Variants in CREB3L2 observed in about 807,000 individuals in gnomAD.
CREB3L2 encodes cAMP responsive element binding protein 3 like 2, also known as cyclic AMP-responsive element-binding protein 3-like protein 2.
CREB3L2 carries 23 observed loss-of-function variants against 57.2 expected under a neutral mutation model. The observed-to-expected ratio is 0.40, with a 90% CI of 0.29 to 0.57. The LOEUF (loss-of-function observed/expected upper bound fraction) is 0.57. Ranked by LOEUF, CREB3L2 falls within the 20% of genes least tolerant of loss-of-function variation. CREB3L2 has a pLI of 0.42. For synonymous variants in CREB3L2, 268 were observed against 265.1 expected, an observed-to-expected ratio of 1.01 and a Z score of -0.11; for missense variants, 628 against 634.7, an observed-to-expected ratio of 0.99 and a Z score of 0.11.
At chr7:137,895,819 T>C (rs273938) in intron 8 of CREB3L2, among the ~76,000 whole-genome samples, 107,573 of 152,020 alleles carry the variant, frequency 0.71, 38,175 homozygotes, top group Admixed American at 0.76. Flanking sequence ...TTCCCTGCCA[T>C]GCCATGCATA....
At chr7:137,893,208 C>G (rs952355416) in intron 8 of CREB3L2, among the ~76,000 whole-genome samples, 13 of 152,196 alleles carry the variant, frequency 8.5e-5, no homozygotes, top group African/African-American at 3.1e-4. Flanking sequence ...GGAACAAACA[C>G]TGGCCAAGGA....
At chr7:137,938,738 TACTAA>T (rs1195833767) in intron 1 of CREB3L2, among the ~76,000 whole-genome samples, 1 of 152,210 alleles carries the variant, frequency 6.6e-6, no homozygotes, top group Non-Finnish European at 1.5e-5. Flanking sequence ...TCATGCACCA[TACTAA>T]TTCCTTTTAA....
intron 1 of CREB3L2, 129 bp from the exon 2 acceptor site, chr7:137,928,495 G>C (rs897122916): frequency 5.3e-6 from 4 of 751,782 alleles, no homozygotes; most frequent in African/African-American, 3.5e-5. Context: ...TGTCCAGTTA[G>C]CTCGTGCTGT....
At chr7:137,927,261 CGGAAA>C (rs71177929) in intron 2 of CREB3L2, among the ~76,000 whole-genome samples, 3 of 114,734 alleles carry the variant, frequency 2.6e-5, no homozygotes, top group Admixed American at 1.1e-4. Context: ...CGGAACAGAA[CGGAAA>C]GGAAAGGAAA....
In CREB3L2 at chr7:137,966,297, C is replaced by A. The variant is rs79451112; in HGVS notation, c.102+35307G>T. 7.6e-3 allele frequency among the ~76,000 whole-genome samples: 1,153 copies of A among 152,344 alleles called. 52 individuals carry two copies. The East Asian group carries it at 0.13, about 18-fold the overall frequency. On this transcript the variant is annotated intron_variant, in intron 1 of 11. Transcript: ENST00000330387. Reference sequence around the variant, plus strand: ...AAATAGATTATATGTTACTTGCTTACATACTTTAAAAAATTATGTCCAATA... The same window carrying A: ...AAATAGATTATATGTTACTTGCTTAAATACTTTAAAAAATTATGTCCAATA...
In CREB3L2 at chr7:137,916,008, C is replaced by T. The variant is rs769497507; in HGVS notation, c.324G>A (p.Glu108=). The T allele has an allele frequency of 6.2e-7, 1 of 1,611,372 alleles. No homozygotes were observed. The highest frequency in any genetic ancestry group is 1.1e-5 in the South Asian group (1 of 90,686). ...ACAGGTACCATTTCTCACTTTCCAC[C>T]TCATCTGCAGGAAAAAAGACAAGCA... ...ITTSDSFNDD[E]VESEKWYLST... The change falls in exon 3 of 12, where the codon GAG becomes GAA. Residue 108 remains glutamate, a synonymous_variant. Transcript: ENST00000330387.
intron 9 of CREB3L2, 98 bp from the exon 10 acceptor site, chr7:137,885,219 C>G: frequency 7.0e-7 from 1 of 1,420,154 alleles, no homozygotes; most frequent in Non-Finnish European, 9.7e-7. Context: ...CTCTCCTCTT[C>G]AGGCCAGTGG....
chr7:137,927,969 G>A (rs1299889674), intron 2 of CREB3L2, among the ~76,000 whole-genome samples, 181 bp downstream of exon 2: 1 of 152,130 alleles, frequency 6.6e-6, no homozygotes, highest in Admixed American at 6.5e-5. Context: ...GGGCAGTGTA[G>A]AGAAATGGGT....
Position 137,908,210 on chromosome 7 carries a change from A to T in CREB3L2, c.768+42T>A, listed in dbSNP as rs367697847. 1.8e-4 allele frequency: 217 copies of T among 1,215,754 alleles called. 1 individual carries two copies. The highest frequency in any genetic ancestry group is 5.1e-4 in the Admixed American group (12 of 23,668). 75.3% of individuals were successfully genotyped at this position (1,215,754 alleles called of 1,614,324 possible). A position where few individuals can be genotyped will look rare whatever the true frequency, so the allele number is the denominator to read the frequency against. On this transcript the variant is annotated intron_variant, in intron 5 of 11. Coordinates refer to ENST00000330387, the MANE Select transcript of CREB3L2 (RefSeq NM_194071.4). Reference sequence around the variant, plus strand: ...GATACAGCCCCAGGGGAATGAATGGAGAGGGTTCCCTTTGGTCCAGGAATG... The same window carrying T: ...GATACAGCCCCAGGGGAATGAATGGTGAGGGTTCCCTTTGGTCCAGGAATG...
chr7:137,968,326 C>T (rs1801443810), intron 1 of CREB3L2, among the ~76,000 whole-genome samples: 1 of 151,942 alleles, frequency 6.6e-6, no homozygotes, highest in Admixed American at 6.6e-5. Context: ...TTGTCATTTA[C>T]ATTAGGTATT....
intron 1 of CREB3L2, among the ~76,000 whole-genome samples, chr7:137,962,619 T>C (rs1585661494): frequency 6.6e-6 from 1 of 152,072 alleles, no homozygotes; most frequent in African/African-American, 2.4e-5. Flanking sequence ...CACCACCCTG[T>C]GTAAGCCAGT....
chr7:137,991,135 C>T (rs1284025841), intron 1 of CREB3L2, among the ~76,000 whole-genome samples: 3 of 151,840 alleles, frequency 2.0e-5, no homozygotes, highest in African/African-American at 7.3e-5. Context: ...GTGCTGCTGT[C>T]GTCGTGGCTG....
At chr7:137,922,392 A>ATATATATATATATATATATATGTATG (rs1800315691) in intron 2 of CREB3L2, among the ~76,000 whole-genome samples, 1 of 19,270 alleles carries the variant, frequency 5.2e-5, no homozygotes, top group Non-Finnish European at 9.1e-5. Flanking sequence ...ATGTATATAT[A>ATATATATATATATATATATATGTATG]TATATATATA....
chr7:137,947,574 T>C (rs1801019649), intron 1 of CREB3L2, among the ~76,000 whole-genome samples: 1 of 152,064 alleles, frequency 6.6e-6, no homozygotes, highest in Non-Finnish European at 1.5e-5. Flanking sequence ...CTCACTCCTT[T>C]AGAAAAGGAA....
chr7:137,973,809 G>T (rs1801558511), intron 1 of CREB3L2, among the ~76,000 whole-genome samples: 1 of 152,156 alleles, frequency 6.6e-6, no homozygotes, highest in Non-Finnish European at 1.5e-5. Flanking sequence ...CATATTCACA[G>T]TTAAATTCTC....
chr7:137,972,732 T>TAG (rs1801537420), intron 1 of CREB3L2, among the ~76,000 whole-genome samples: 10 of 26,828 alleles, frequency 3.7e-4, no homozygotes, highest in African/African-American at 4.5e-4. Context: ...TATATATATA[T>TAG]ATATAGAGAG....
intron 1 of CREB3L2, among the ~76,000 whole-genome samples, chr7:137,987,568 C>G (rs1801813044): frequency 6.6e-6 from 1 of 152,212 alleles, no homozygotes; most frequent in South Asian, 2.1e-4. Context: ...TGCCAAAAGT[C>G]TGTAATAGCA....
chr7:137,978,682 G>A (rs1191463292), intron 1 of CREB3L2, among the ~76,000 whole-genome samples: 1 of 152,188 alleles, frequency 6.6e-6, no homozygotes, highest in Non-Finnish European at 1.5e-5. Flanking sequence ...TCAGTGTGCT[G>A]TCATTCCCCC....
chr7:137,960,318 CAT>C lies in CREB3L2; in HGVS notation c.103-31954_103-31953del, dbSNP rs546753210. 1.8e-3 allele frequency among the ~76,000 whole-genome samples: 271 copies of C among 152,226 alleles called. 1 individual carries two copies. Among genetic ancestry groups the C allele is most frequent in the African/African-American group, 6.0e-3 (250 of 41,538 alleles). ...TGAGGAGTAAGTGCTAAGTTCGTAACATAGACTTTCCATAAGAATGCAAGCTT... is the reference window on the plus strand; with the variant it reads ...TGAGGAGTAAGTGCTAAGTTCGTAACAGACTTTCCATAAGAATGCAAGCTT... On this transcript the variant is annotated intron_variant, in intron 1 of 11. Transcript: ENST00000330387.
Sources: allele counts gnomAD v4.1 joint callset (sites outside exome capture counted in the v4.1 genomes callset), GRCh38; gene constraint gnomAD v4.1.1; transcripts MANE v1.5; gene names NCBI Gene and HGNC (gene_info 2026-07-23, HGNC 2026-07-21).